UNC5A: variants seen among roughly 807,000 people sequenced by gnomAD.
UNC5A encodes unc-5 netrin receptor A.
In UNC5A, 20 loss-of-function variants were observed where a neutral mutation model predicts 87.4. The ratio of observed to expected loss-of-function variants is 0.23; its 90% CI spans 0.16 to 0.33. UNC5A has a LOEUF of 0.33. UNC5A is among the 10% of genes least tolerant of loss of function. The pLI, the probability that UNC5A is intolerant of heterozygous loss-of-function variation, is 1.00. For missense variants in UNC5A, 844 were observed against 1,133.4 expected (o/e 0.74, Z 3.67); for synonymous variants, 438 against 482.3 (o/e 0.91, Z 1.20).
rs563105879 is a variant in UNC5A, at chr5:176,858,395, A to C, written c.71-4229A>C. Among the ~76,000 whole-genome samples, 7 of 152,240 alleles carry C rather than the reference A, an allele frequency of 4.6e-5. No individual in the cohort carries two copies. The South Asian group carries it at 1.5e-3, about 32-fold the overall frequency. ...AAGGGAGTTTCAGGCAGAGACCTGG[A>C]GGTGGGAAGCTCCTGCCTCGGAGGG... On this transcript the variant is annotated intron_variant, in intron 1 of 14. Coordinates refer to ENST00000329542, the MANE Select transcript of UNC5A (RefSeq NM_133369.3).
rs775288806 is a variant in UNC5A, at chr5:176,878,654, C to T, written c.2184+15C>T. On this transcript the variant is annotated intron_variant, in intron 13 of 14. Transcript: ENST00000329542. Reference sequence around the variant, plus strand: ...ACATCACCAAGGTGGACGGGAGGGGCTGCCGCACCGCCGTGACGTGCTCCC... The same window carrying T: ...ACATCACCAAGGTGGACGGGAGGGGTTGCCGCACCGCCGTGACGTGCTCCC... The T allele has an allele frequency of 3.7e-6, 6 of 1,606,216 alleles. No individual in the cohort carries two copies. In the South Asian group the frequency reaches 6.6e-5, roughly 18 times the overall value.
chr5:176,817,495 G>A (rs1317629284), intron 1 of UNC5A, among the ~76,000 whole-genome samples: 3 of 152,238 alleles, frequency 2.0e-5, no homozygotes, highest in Non-Finnish European at 2.9e-5. Flanking sequence ...CCTCCTAATC[G>A]GGGCAGGGAC....
intron 1 of UNC5A, among the ~76,000 whole-genome samples, chr5:176,812,852 C>A (rs914021132): frequency 9.2e-5 from 14 of 152,274 alleles, no homozygotes; most frequent in African/African-American, 3.4e-4. Context: ...CCCCCTGTGC[C>A]CCACAGGCAC....
chr5:176,821,609 A>G (rs1279878703), intron 1 of UNC5A, among the ~76,000 whole-genome samples: 1 of 152,152 alleles, frequency 6.6e-6, no homozygotes, highest in Non-Finnish European at 1.5e-5. Flanking sequence ...TAATTTGCCA[A>G]TTTCCATGGT....
rs142434147 is a variant in UNC5A at position 176,870,502 on chromosome 5, C to T, written c.854C>T (p.Thr285Ile). 196 of 1,607,260 alleles carry T rather than the reference C, an allele frequency of 1.2e-4. 2 individuals carry two copies. The highest frequency in any genetic ancestry group is 1.6e-4 in the Non-Finnish European group (188 of 1,175,740). The change falls in exon 6 of 15, where the codon ACC (threonine) becomes ATC (isoleucine). Residue 285 changes from threonine to isoleucine, a missense_variant. Around this residue, in one of 3 missense-constraint regions of UNC5A, gnomAD observed 314 missense variants for 466.5 expected, o/e 0.67. Coordinates refer to ENST00000329542, the MANE Select transcript of UNC5A (RefSeq NM_133369.3). Reference sequence around the variant, plus strand: ...GAGTGCCAGGGCACTGACCTGGACACCCGCAACTGTACCAGTGACCTCTGT... The same window carrying T: ...GAGTGCCAGGGCACTGACCTGGACATCCGCAACTGTACCAGTGACCTCTGT... ...GEECQGTDLD[T>I]RNCTSDLCVH... is the part of the protein sequence containing the mutation.
At chr5:176,820,964 A>G (rs1171325317) in intron 1 of UNC5A, among the ~76,000 whole-genome samples, 1 of 152,126 alleles carries the variant, frequency 6.6e-6, no homozygotes, top group East Asian at 1.9e-4. Flanking sequence ...TCTTTCCTAA[A>G]TTTGTGAGAA....
intron 1 of UNC5A, among the ~76,000 whole-genome samples, chr5:176,831,413 C>T (rs914905515): frequency 3.3e-5 from 5 of 152,164 alleles, no homozygotes; most frequent in African/African-American, 4.8e-5. Flanking sequence ...ACATTTTACC[C>T]AACACAGCGG....
At chr5:176,856,061 G>A (rs1339153840) in intron 1 of UNC5A, among the ~76,000 whole-genome samples, 3 of 152,244 alleles carry the variant, frequency 2.0e-5, no homozygotes, top group African/African-American at 7.2e-5. Context: ...TCCCAGCTGA[G>A]TGAGGCCGAG....
chr5:176,851,198 G>A (rs1359791912), intron 1 of UNC5A, among the ~76,000 whole-genome samples: 2 of 152,234 alleles, frequency 1.3e-5, no homozygotes, highest in Non-Finnish European at 2.9e-5. Flanking sequence ...TTTCTTCATT[G>A]GTAATTCAAA....
At position 176,874,166 on chromosome 5, in the gene UNC5A, C is replaced by T. The variant is rs200600471; in HGVS notation, c.1075+10C>T. On this transcript the variant is annotated intron_variant, in intron 7 of 14. Coordinates refer to ENST00000329542, the MANE Select transcript of UNC5A (RefSeq NM_133369.3). This position sits in a 1 kb window ranked among gnomAD's most constrained non-coding sequence, Gnocchi z 7.6. Reference sequence around the variant, plus strand: ...AAGCCCAGCAAAGCAGGTGAGGGGCCCCGTGCCCCCAGCACTCCTGCCCCA... The same window carrying T: ...AAGCCCAGCAAAGCAGGTGAGGGGCTCCGTGCCCCCAGCACTCCTGCCCCA... 89 of 1,611,880 alleles carry T rather than the reference C, an allele frequency of 5.5e-5. No individual in the cohort carries two copies. The East Asian group carries it at 1.4e-3, about 25-fold the overall frequency.
chr5:176,849,415 T>A (rs987493373), intron 1 of UNC5A, among the ~76,000 whole-genome samples: 1 of 152,024 alleles, frequency 6.6e-6, no homozygotes, highest in Non-Finnish European at 1.5e-5. Flanking sequence ...TGAAACCCCG[T>A]CTCTACTAAA....
intron 1 of UNC5A, among the ~76,000 whole-genome samples, chr5:176,823,215 A>C (rs980218767): frequency 6.7e-6 from 1 of 148,514 alleles, no homozygotes; most frequent in African/African-American, 2.5e-5. Flanking sequence ...CATGATTCAG[A>C]GCTCTGGAGC....
intron 1 of UNC5A, among the ~76,000 whole-genome samples, chr5:176,820,171 G>T (rs1486595604): frequency 6.6e-6 from 1 of 152,216 alleles, no homozygotes; most frequent in East Asian, 1.9e-4. Context: ...GCCGAGGCGG[G>T]TGGATCACGA....
intron 1 of UNC5A, among the ~76,000 whole-genome samples, chr5:176,842,812 G>A (rs182163437): frequency 4.6e-4 from 70 of 152,256 alleles, no homozygotes; most frequent in African/African-American, 1.4e-3. Context: ...AAGAACTTAC[G>A]TAACCGAATA....
At chr5:176,837,752 G>A (rs1039563532) in intron 1 of UNC5A, among the ~76,000 whole-genome samples, 8 of 152,028 alleles carry the variant, frequency 5.3e-5, no homozygotes, top group Admixed American at 5.2e-4. Context: ...CACAGATAGC[G>A]GTCCTGGACA....
chr5:176,842,466 C>T (rs966851935), intron 1 of UNC5A, among the ~76,000 whole-genome samples: 5 of 149,758 alleles, frequency 3.3e-5, no homozygotes, highest in African/African-American at 5.1e-5. Context: ...CTCAAATGCC[C>T]GTCAATCAAC....
At chr5:176,826,581 G>A (rs988910303) in intron 1 of UNC5A, among the ~76,000 whole-genome samples, 4 of 150,798 alleles carry the variant, frequency 2.7e-5, no homozygotes, top group Admixed American at 6.6e-5. Flanking sequence ...ACAATTCATT[G>A]GCATTGAGTA....
intron 1 of UNC5A, among the ~76,000 whole-genome samples, chr5:176,853,270 C>T (rs1317552149): frequency 6.6e-6 from 1 of 152,252 alleles, no homozygotes; most frequent in African/African-American, 2.4e-5. Flanking sequence ...CGTTCCTTGT[C>T]TGTACAACCA....
intron 14 of UNC5A, 55 bp from the exon 15 acceptor site, chr5:176,879,666 G>A: frequency 6.3e-7 from 1 of 1,596,782 alleles, no homozygotes; most frequent in Non-Finnish European, 8.5e-7. Flanking sequence ...AGGGGGGGCA[G>A]GAGGTGTCGG....
Sources: allele counts gnomAD v4.1 joint callset (sites outside exome capture counted in the v4.1 genomes callset), GRCh38; gene constraint gnomAD v4.1.1; regional missense constraint gnomAD v4.1.1; non-coding constraint Gnocchi (gnomAD v3.1); transcripts MANE v1.5; gene names NCBI Gene and HGNC (gene_info 2026-07-23, HGNC 2026-07-21).